The following SLCO5A1 variants were observed in gnomAD, a reference collection of about 807,000 sequenced individuals.
The protein encoded by SLCO5A1 is solute carrier organic anion transporter family member 5A1, also known as organic anion transporter polypeptide-related protein 4.
In SLCO5A1, 39 loss-of-function variants were observed where a neutral mutation model predicts 65.1. The observed-to-expected ratio is 0.60, with a 90% confidence interval of 0.46 to 0.78. The LOEUF (loss-of-function observed/expected upper bound fraction) is 0.78, where lower values mean the gene tolerates loss of function less well. Ranked by LOEUF, SLCO5A1 falls within the 30% of genes least tolerant of loss-of-function variation. SLCO5A1 has a pLI of 0.00. For synonymous variants in SLCO5A1, 438 were observed against 415.7 expected, an observed-to-expected ratio of 1.05 and a Z score of -0.65; for missense variants, 1,029 against 1,069.4, an observed-to-expected ratio of 0.96 and a Z score of 0.53.
chr8:69,739,092 AAG>A (rs1450710941), intron 4 of SLCO5A1, among the ~76,000 whole-genome samples: 1 of 152,232 alleles, frequency 6.6e-6, no homozygotes, highest in Non-Finnish European at 1.5e-5. Flanking sequence ...ACTGGCATAA[AAG>A]AACTCCAAGA....
intron 5 of SLCO5A1, among the ~76,000 whole-genome samples, chr8:69,707,786 G>T (rs915487271): frequency 2.0e-5 from 3 of 152,190 alleles, no homozygotes; most frequent in African/African-American, 7.2e-5. Flanking sequence ...TAAGGACAGG[G>T]AGAGAGGAAG....
At position 69,697,467 on chromosome 8, in the gene SLCO5A1, C is replaced by G. The variant is rs571267160; in HGVS notation, c.1622+7564G>C. 3.3e-5 allele frequency among the ~76,000 whole-genome samples: 5 copies of G among 152,072 alleles called. No individual in the cohort carries two copies. In the East Asian group the frequency reaches 7.7e-4, roughly 23 times the overall value. On this transcript the variant is annotated intron_variant, in intron 6 of 9. Coordinates refer to ENST00000260126, the MANE Select transcript of SLCO5A1 (RefSeq NM_030958.3). ...GAGCTCATATTTTAGACAGAGGGGACAAAAGCAAAGCAAATCATTAAATGA... is the reference window on the plus strand; with the variant it reads ...GAGCTCATATTTTAGACAGAGGGGAGAAAAGCAAAGCAAATCATTAAATGA...
chr8:69,717,436 T>A (rs2890468), intron 5 of SLCO5A1, among the ~76,000 whole-genome samples: 87,400 of 152,002 alleles, frequency 0.57, 25,614 homozygotes, highest in South Asian at 0.7. Context: ...CTGGGGTCTC[T>A]ACCCTATTTT....
chr8:69,755,258 C>CA (rs1395075163), intron 4 of SLCO5A1, among the ~76,000 whole-genome samples, 166 bp downstream of exon 4: 28 of 151,938 alleles, frequency 1.8e-4, no homozygotes, highest in African/African-American at 6.8e-4. Context: ...ATGCAACAGG[C>CA]AAAAAAATTA....
intron 4 of SLCO5A1, among the ~76,000 whole-genome samples, chr8:69,743,753 G>A (rs956148880): frequency 6.6e-6 from 1 of 152,146 alleles, no homozygotes; most frequent in Non-Finnish European, 1.5e-5. Context: ...ATTAGACCAG[G>A]GAAGGAGGCG....
chr8:69,763,969 A>G (rs576385910), intron 2 of SLCO5A1, among the ~76,000 whole-genome samples: 1 of 152,082 alleles, frequency 6.6e-6, no homozygotes, highest in Non-Finnish European at 1.5e-5. Context: ...GGTTCAAGCG[A>G]TTCTCTTGCC....
At chr8:69,814,667 T>C (rs529233444) in intron 2 of SLCO5A1, among the ~76,000 whole-genome samples, 1 of 152,276 alleles carries the variant, frequency 6.6e-6, no homozygotes, top group South Asian at 2.1e-4. Context: ...TTTGCCAAAA[T>C]ACCCAAAGTG....
chr8:69,730,931 T>A (rs1189678120), intron 5 of SLCO5A1, among the ~76,000 whole-genome samples: 1 of 151,688 alleles, frequency 6.6e-6, no homozygotes, highest in Non-Finnish European at 1.5e-5. Flanking sequence ...ATGGCTTGAA[T>A]ATAAAAATAT....
chr8:69,689,607 A>G (rs1814154116), intron 6 of SLCO5A1, among the ~76,000 whole-genome samples: 1 of 138,094 alleles, frequency 7.2e-6, no homozygotes, highest in Admixed American at 7.1e-5. Context: ...TCCTTTCCCC[A>G]TTGCTTGTTT....
chr8:69,675,623 C>T (rs1295782426), intron 9 of SLCO5A1, among the ~76,000 whole-genome samples: 1 of 152,146 alleles, frequency 6.6e-6, no homozygotes, highest in Non-Finnish European at 1.5e-5. Flanking sequence ...CCTCCTGGGG[C>T]TTATTGAAAA....
In SLCO5A1 at chr8:69,719,161, A is replaced by T. The variant is rs969997511; in HGVS notation, c.1424-13932T>A. ...CAGTTCACCTTGCTCTCTGAATAAG[A>T]TAGCTTAAGCCAGAAAAAAATAACC... On this transcript the variant is annotated intron_variant, in intron 5 of 9. Transcript: ENST00000260126. Among the ~76,000 whole-genome samples, 4 of 152,216 alleles carry T rather than the reference A, an allele frequency of 2.6e-5. No homozygotes were observed. The East Asian group carries it at 7.7e-4, about 29-fold the overall frequency.
intron 2 of SLCO5A1, among the ~76,000 whole-genome samples, chr8:69,805,872 C>T (rs757138303): frequency 7.2e-5 from 11 of 152,144 alleles, no homozygotes; most frequent in Admixed American, 1.3e-4. Context: ...AGAAGCAAAG[C>T]GTGGCAGATG....
At chr8:69,786,329 C>T (rs1044621519) in intron 2 of SLCO5A1, among the ~76,000 whole-genome samples, 5 of 152,164 alleles carry the variant, frequency 3.3e-5, no homozygotes, top group African/African-American at 1.2e-4. Context: ...TTATCATGAT[C>T]TTATAAACCT....
intron 6 of SLCO5A1, among the ~76,000 whole-genome samples, chr8:69,696,737 C>T (rs1016610609): frequency 2.0e-5 from 3 of 152,122 alleles, no homozygotes; most frequent in African/African-American, 4.8e-5. Flanking sequence ...AACAGAAAAA[C>T]TGATTCTTTA....
chr8:69,812,379 T>C (rs1820241869), intron 2 of SLCO5A1, among the ~76,000 whole-genome samples: 1 of 152,228 alleles, frequency 6.6e-6, no homozygotes, highest in African/African-American at 2.4e-5. Context: ...GATTACGTGA[T>C]CTGGTCAAAG....
At chr8:69,828,551 G>A (rs1182297636) in intron 2 of SLCO5A1, among the ~76,000 whole-genome samples, 1 of 151,580 alleles carries the variant, frequency 6.6e-6, no homozygotes, top group South Asian at 2.1e-4. Flanking sequence ...CCAGTGAGCC[G>A]AGACCGCTCC....
At chr8:69,795,856 T>C (rs1326121629) in intron 2 of SLCO5A1, among the ~76,000 whole-genome samples, 1 of 152,168 alleles carries the variant, frequency 6.6e-6, no homozygotes, top group Non-Finnish European at 1.5e-5. Flanking sequence ...CTCTGAAATC[T>C]AGGTGGAGGC....
intron 6 of SLCO5A1, among the ~76,000 whole-genome samples, chr8:69,695,404 G>A (rs1441788893): frequency 6.6e-6 from 1 of 152,102 alleles, no homozygotes; most frequent in Admixed American, 6.5e-5. Context: ...CTGAGGCAGG[G>A]ATAATTGCTT....
chr8:69,808,866 A>C (rs1044192253), intron 2 of SLCO5A1, among the ~76,000 whole-genome samples: 4 of 152,194 alleles, frequency 2.6e-5, no homozygotes, highest in African/African-American at 9.6e-5. Context: ...GCACTTTGGG[A>C]GGCCGAGGCA....
Sources: gnomAD v4.1 joint callset for allele counts (sites outside exome capture counted in the v4.1 genomes callset) on GRCh38, gnomAD v4.1.1 for gene constraint, MANE v1.5 for transcripts, NCBI Gene and HGNC (gene_info 2026-07-23, HGNC 2026-07-21) for gene names.